The following GABBR2 variants were observed in gnomAD, a reference collection of about 807,000 sequenced individuals.
The protein encoded by GABBR2 is gamma-aminobutyric acid type B receptor subunit 2.
GABBR2 carries 23 observed loss-of-function variants against 105.6 expected under a neutral mutation model. That is an observed-to-expected ratio of 0.22 (90% CI 0.16 to 0.31). The LOEUF (loss-of-function observed/expected upper bound fraction) is 0.31. GABBR2 is among the 10% of genes least tolerant of loss of function. The probability of loss-of-function intolerance (pLI) is 1.00; values close to 1 mark genes in which losing one functional copy is unlikely to be tolerated. For missense variants in GABBR2, 734 were observed against 1,245.5 expected (o/e 0.59, Z 6.18); for synonymous variants, 478 against 499.7 (o/e 0.96, Z 0.58).
At chr9:98,608,246 T>G in intron 1 of GABBR2, 1 of 645,242 alleles carries the variant, frequency 1.5e-6, no homozygotes, top group Non-Finnish European at 2.7e-6. Context: ...ATGATGGATT[T>G]AAGAGCATGA....
chr9:98,507,634 G>A (rs1450019586), intron 3 of GABBR2, among the ~76,000 whole-genome samples: 3 of 152,184 alleles, frequency 2.0e-5, no homozygotes, highest in Admixed American at 1.3e-4. Context: ...GATACAATAA[G>A]CTTTCACCCT....
intron 7 of GABBR2, among the ~76,000 whole-genome samples, chr9:98,406,924 A>G (rs1439670403): frequency 5.3e-5 from 8 of 152,178 alleles, no homozygotes; most frequent in Admixed American, 1.3e-4. Context: ...GACACACACT[A>G]TATCACTGAA....
chr9:98,629,237 C>G (rs936415065), intron 1 of GABBR2, among the ~76,000 whole-genome samples: 2 of 151,962 alleles, frequency 1.3e-5, no homozygotes, highest in Non-Finnish European at 1.5e-5. Context: ...TCTTTATTTA[C>G]AAAGGGAAAA....
intron 13 of GABBR2, among the ~76,000 whole-genome samples, chr9:98,358,681 G>C (rs1831530227): frequency 6.6e-6 from 1 of 152,246 alleles, no homozygotes. Context: ...GAATCACTTT[G>C]GGGCATGAGG....
At chr9:98,389,465 G>A (rs913050497) in intron 9 of GABBR2, among the ~76,000 whole-genome samples, 2 of 152,206 alleles carry the variant, frequency 1.3e-5, no homozygotes, top group Non-Finnish European at 2.9e-5. Context: ...CACCTTGCCT[G>A]TTGGTTCCAT....
intron 1 of GABBR2, among the ~76,000 whole-genome samples, chr9:98,604,117 A>G (rs762466059): frequency 3.3e-5 from 5 of 152,206 alleles, no homozygotes; most frequent in African/African-American, 4.8e-5. Context: ...GGGGCTTGGT[A>G]AAATGCCGCT....
chr9:98,620,939 A>C (rs1386390925), intron 1 of GABBR2, among the ~76,000 whole-genome samples: 1 of 152,124 alleles, frequency 6.6e-6, no homozygotes, highest in Non-Finnish European at 1.5e-5. Context: ...TACCTCCTAA[A>C]GCCATCATGA....
intron 3 of GABBR2, among the ~76,000 whole-genome samples, chr9:98,507,586 T>A (rs1446152251): frequency 6.6e-6 from 1 of 152,226 alleles, no homozygotes; most frequent in Non-Finnish European, 1.5e-5. Flanking sequence ...TTAAAGCCAC[T>A]AAATTTATGA....
intron 3 of GABBR2, among the ~76,000 whole-genome samples, chr9:98,504,440 C>T (rs1564095611): frequency 6.6e-6 from 1 of 152,168 alleles, no homozygotes; most frequent in African/African-American, 2.4e-5. Flanking sequence ...GCTACTGCAC[C>T]AGCAGAGGAA....
At chr9:98,303,495 C>G in intron 15 of GABBR2, 72 bp from the exon 16 acceptor site, 1 of 1,343,188 alleles carries the variant, frequency 7.4e-7, no homozygotes, top group Non-Finnish European at 1.0e-6. Flanking sequence ...ACATGGCAGA[C>G]TCTCCCAGCA....
At chr9:98,690,169 A>C (rs1039377452) in intron 1 of GABBR2, among the ~76,000 whole-genome samples, 10 of 140,620 alleles carry the variant, frequency 7.1e-5, no homozygotes, top group African/African-American at 2.8e-4. Context: ...TTGGTCAAGG[A>C]CTTTCCAGTG....
At chr9:98,355,422 T>C (rs990117933) in intron 13 of GABBR2, among the ~76,000 whole-genome samples, 3 of 152,180 alleles carry the variant, frequency 2.0e-5, no homozygotes, top group African/African-American at 7.2e-5. Flanking sequence ...GAGGTATGCC[T>C]GGACCAGAAA....
chr9:98,356,493 C>T (rs1254157020), intron 13 of GABBR2, among the ~76,000 whole-genome samples: 1 of 152,170 alleles, frequency 6.6e-6, no homozygotes, highest in Non-Finnish European at 1.5e-5. Flanking sequence ...TGGCTAAAAT[C>T]CAAAACACTG....
intron 7 of GABBR2, among the ~76,000 whole-genome samples, chr9:98,434,728 T>C (rs1825871102): frequency 6.6e-6 from 1 of 152,122 alleles, no homozygotes; most frequent in Admixed American, 6.6e-5. Flanking sequence ...GCCCCATGCA[T>C]TTTGGGGCAC....
intron 13 of GABBR2, among the ~76,000 whole-genome samples, chr9:98,319,719 C>T (rs1012494300): frequency 1.3e-5 from 2 of 152,100 alleles, no homozygotes; most frequent in Non-Finnish European, 2.9e-5. Context: ...CTGCATTGAT[C>T]CAGTTTCTCT....
At chr9:98,344,968 C>T (rs1831278820) in intron 13 of GABBR2, among the ~76,000 whole-genome samples, 1 of 152,124 alleles carries the variant, frequency 6.6e-6, no homozygotes, top group South Asian at 2.1e-4. Context: ...ATGAATTCCC[C>T]ATGTTGCCTC....
At chr9:98,512,319 C>G (rs984078837) in intron 3 of GABBR2, among the ~76,000 whole-genome samples, 4 of 149,140 alleles carry the variant, frequency 2.7e-5, no homozygotes, top group African/African-American at 9.9e-5. Flanking sequence ...TGGGCAAAAA[C>G]TGGAAGCATT....
In GABBR2 at chr9:98,371,326, T is replaced by C. The variant is rs1831778869; in HGVS notation, c.1770+138A>G. 16 of 618,662 alleles carry C rather than the reference T, an allele frequency of 2.6e-5. No homozygotes were observed. The South Asian group carries it at 2.7e-4, about 10-fold the overall frequency. 38.3% of individuals were successfully genotyped at this position (618,662 alleles called of 1,614,324 possible). A position where few individuals can be genotyped will look rare whatever the true frequency, so the allele number is the denominator to read the frequency against. On this transcript the variant is annotated intron_variant, in intron 12 of 18. Coordinates refer to ENST00000259455, the MANE Select transcript of GABBR2 (RefSeq NM_005458.8). ...TAACTGTCCGATTTCCCCAGTAGGG[T>C]GAAGGTGGCAGGAGGTAGGGATTGT...
intron 7 of GABBR2, among the ~76,000 whole-genome samples, chr9:98,422,570 C>G (rs1274114892): frequency 6.6e-6 from 1 of 151,556 alleles, no homozygotes; most frequent in African/African-American, 2.4e-5. Flanking sequence ...AGAATCATAA[C>G]CAGCAGATTA....
Sources: allele counts gnomAD v4.1 joint callset (sites outside exome capture counted in the v4.1 genomes callset), GRCh38; gene constraint gnomAD v4.1.1; transcripts MANE v1.5; gene names NCBI Gene and HGNC (gene_info 2026-07-23, HGNC 2026-07-21).